CWC27: variants seen among roughly 807,000 people sequenced by gnomAD.
The protein encoded by CWC27 is spliceosome-associated protein CWC27 homolog.
Under a neutral mutation model 63.6 loss-of-function variants are expected in CWC27, and 47 were observed. The ratio of observed to expected loss-of-function variants is 0.74; its 90% CI spans 0.58 to 0.94. The LOEUF (loss-of-function observed/expected upper bound fraction) is 0.94, where lower values mean the gene tolerates loss of function less well. Ranked by LOEUF, CWC27 falls within the 40% of genes least tolerant of loss-of-function variation. CWC27 has a pLI of 0.00. For synonymous variants in CWC27, 175 were observed against 179.8 expected, an observed-to-expected ratio of 0.97 and a Z score of 0.22; for missense variants, 495 against 554.3, an observed-to-expected ratio of 0.89 and a Z score of 1.07.
chr5:64,985,366 T>C (rs2112453424), intron 13 of CWC27, among the ~76,000 whole-genome samples: 1 of 152,340 alleles, frequency 6.6e-6, no homozygotes, highest in Middle Eastern at 3.4e-3. Flanking sequence ...CTGAGGAGAA[T>C]TGACATCTTT....
At chr5:64,936,044 A>G (rs1330294353) in intron 11 of CWC27, among the ~76,000 whole-genome samples, 2 of 152,218 alleles carry the variant, frequency 1.3e-5, no homozygotes, top group Non-Finnish European at 2.9e-5. Context: ...GTCATCTACA[A>G]ACAGGGACAA....
intron 10 of CWC27, among the ~76,000 whole-genome samples, chr5:64,834,701 C>T (rs1167813890): frequency 1.3e-5 from 2 of 151,624 alleles, no homozygotes; most frequent in Non-Finnish European, 3.0e-5. Flanking sequence ...TTTGTAAACT[C>T]CAAGGACACA....
intron 1 of CWC27, among the ~76,000 whole-genome samples, chr5:64,774,067 C>T (rs1743356209): frequency 6.6e-6 from 1 of 152,048 alleles, no homozygotes; most frequent in African/African-American, 2.4e-5. Flanking sequence ...GTTCATTATT[C>T]TTTAATTTCT....
intron 11 of CWC27, among the ~76,000 whole-genome samples, chr5:64,908,060 G>A (rs1254841809): frequency 1.3e-5 from 2 of 152,152 alleles, no homozygotes; most frequent in African/African-American, 4.8e-5. Context: ...CTTTAAATAT[G>A]TCCCAGAGAT....
chr5:64,930,625 A>G (rs1415340745), intron 11 of CWC27, among the ~76,000 whole-genome samples: 1 of 152,186 alleles, frequency 6.6e-6, no homozygotes, highest in Non-Finnish European at 1.5e-5. Flanking sequence ...AAAAATGATC[A>G]ATAGATACTA....
intron 2 of CWC27, among the ~76,000 whole-genome samples, chr5:64,776,282 A>G (rs1020027405): frequency 1.3e-5 from 2 of 152,166 alleles, no homozygotes; most frequent in Admixed American, 6.5e-5. Context: ...TCTGGTAAGA[A>G]GTTTTGAAGA....
At chr5:64,801,511 C>CT (rs1369371426) in intron 9 of CWC27, among the ~76,000 whole-genome samples, 179 bp downstream of exon 9, 2 of 151,838 alleles carry the variant, frequency 1.3e-5, no homozygotes, top group African/African-American at 4.8e-5. Flanking sequence ...TTTCCTTACT[C>CT]TAGGGGTGTG....
At chr5:64,849,530 T>C (rs1223842690) in intron 10 of CWC27, among the ~76,000 whole-genome samples, 1 of 152,066 alleles carries the variant, frequency 6.6e-6, no homozygotes, top group African/African-American at 2.4e-5. Context: ...ATCCCTCTAG[T>C]GCTGTTCTCG....
chr5:64,798,082 G>T (rs1426790130), intron 7 of CWC27, among the ~76,000 whole-genome samples: 1 of 152,142 alleles, frequency 6.6e-6, no homozygotes, highest in Non-Finnish European at 1.5e-5. Flanking sequence ...AGAGATGCAG[G>T]AGGAAGGAAT....
chr5:64,897,708 C>A (rs781389220), intron 11 of CWC27, among the ~76,000 whole-genome samples: 2 of 152,032 alleles, frequency 1.3e-5, no homozygotes, highest in African/African-American at 2.4e-5. Context: ...TGTAACAAAC[C>A]TGCACATTGT....
At chr5:64,908,179 A>C (rs1304301284) in intron 11 of CWC27, among the ~76,000 whole-genome samples, 2 of 152,138 alleles carry the variant, frequency 1.3e-5, no homozygotes, top group Admixed American at 6.5e-5. Flanking sequence ...TTTAGTTTCC[A>C]TGTAGTTGTG....
rs552418344 is a variant in CWC27 at position 64,879,259 on chromosome 5, A to C, written c.939-6184A>C. Among the ~76,000 whole-genome samples the C allele has an allele frequency of 1.3e-4, 20 of 152,032 alleles. No homozygotes were observed. In the South Asian group the frequency reaches 4.1e-3, roughly 32 times the overall value. Reference sequence around the variant, plus strand: ...TATCAATCTCACTTTTAAAATGGTAAATTTGATGCATTTGTGGTATGTCTA... The same window carrying C: ...TATCAATCTCACTTTTAAAATGGTACATTTGATGCATTTGTGGTATGTCTA... On this transcript the variant is annotated intron_variant, in intron 10 of 13. Transcript: ENST00000381070.
chr5:64,800,257 G>T lies in CWC27; in HGVS notation c.679G>T (p.Gly227Cys). The T allele has an allele frequency of 6.2e-7, 1 of 1,610,382 alleles. No individual in the cohort carries two copies. The highest frequency in any genetic ancestry group is 8.5e-7 in the Non-Finnish European group (1 of 1,177,430). Reference protein sequence around the residue: ...EVNRVSQSMKGKSKSSHDLLK... With the variant: ...EVNRVSQSMKCKSKSSHDLLK... The stretch of plus-strand genomic sequence containing the variant: ...TGTACATTCTTTGCAGAGCATGAAG[G>T]GCAAAAGCAAAAGTAGTCATGACTT... Residue 227 changes from glycine (G) to cysteine (C), a missense_variant, in exon 8 of 14, where the codon GGC becomes TGC. Around this residue, in one of 3 missense-constraint regions of CWC27, gnomAD observed 463 missense variants for 498.1 expected, o/e 0.93. Coordinates refer to ENST00000381070, the MANE Select transcript of CWC27 (RefSeq NM_005869.4).
intron 13 of CWC27, among the ~76,000 whole-genome samples, chr5:65,014,199 A>G (rs1042293198): frequency 4.8e-5 from 2 of 41,294 alleles, no homozygotes; most frequent in African/African-American, 2.9e-4. Flanking sequence ...TTAACATACT[A>G]TATATATAAT....
At chr5:64,923,777 A>AT (rs1748048044) in intron 11 of CWC27, among the ~76,000 whole-genome samples, 3 of 151,130 alleles carry the variant, frequency 2.0e-5, no homozygotes, top group African/African-American at 7.3e-5. Context: ...TCAAGCTAAC[A>AT]TTTTCAGCTC....
At chr5:64,912,730 A>G (rs1747816783) in intron 11 of CWC27, among the ~76,000 whole-genome samples, 1 of 152,158 alleles carries the variant, frequency 6.6e-6, no homozygotes, top group South Asian at 2.1e-4. Flanking sequence ...TGCTCTCAAA[A>G]TGCTATTATA....
At chr5:64,887,982 A>G (rs766178605) in intron 11 of CWC27, among the ~76,000 whole-genome samples, 63 of 152,156 alleles carry the variant, frequency 4.1e-4, no homozygotes, top group Non-Finnish European at 6.3e-4. Flanking sequence ...TCCTAATAGC[A>G]CTCTAACAAT....
rs1745933226 is a variant in CWC27, at chr5:64,844,813, A to G, written c.938+40427A>G. The G allele has an allele frequency of 1.1e-5, 5 of 439,378 alleles. No homozygotes were observed. In the East Asian group the frequency reaches 2.1e-4, roughly 19 times the overall value. 27.2% of individuals were successfully genotyped at this position (439,378 alleles called of 1,614,324 possible). A position where few individuals can be genotyped will look rare whatever the true frequency, so the allele number is the denominator to read the frequency against. On this transcript the variant is annotated intron_variant, in intron 10 of 13. Coordinates refer to ENST00000381070, the MANE Select transcript of CWC27 (RefSeq NM_005869.4). ...ACCTGTTTGACCCAGGCAGTCAAACAGCCACTCAACTCTGCCACAAAGCAA... is the reference window on the plus strand; with the variant it reads ...ACCTGTTTGACCCAGGCAGTCAAACGGCCACTCAACTCTGCCACAAAGCAA...
chr5:64,882,644 A>T (rs1400476000), intron 10 of CWC27, among the ~76,000 whole-genome samples: 1 of 152,148 alleles, frequency 6.6e-6, no homozygotes, highest in African/African-American at 2.4e-5. Context: ...CCCAGGCTGG[A>T]GTGCAGTGGT....
Sources: gnomAD v4.1 joint callset for allele counts (sites outside exome capture counted in the v4.1 genomes callset) on GRCh38, gnomAD v4.1.1 for gene constraint, gnomAD v4.1.1 regional missense constraint, MANE v1.5 for transcripts, NCBI Gene and HGNC (gene_info 2026-07-23, HGNC 2026-07-21) for gene names.